Variants in BICC1 observed in about 807,000 individuals in gnomAD.
BICC1 encodes protein bicaudal C homolog 1.
In BICC1, 43 loss-of-function variants were observed where a neutral mutation model predicts 111.0. The observed-to-expected ratio is 0.39, with a 90% CI of 0.30 to 0.50. The LOEUF is 0.50. BICC1 is among the 20% of genes least tolerant of loss of function. BICC1 has a pLI of 0.88. For synonymous variants in BICC1, 467 were observed against 434.4 expected (o/e 1.07, Z -0.93); for missense variants, 1,091 against 1,203.2 (o/e 0.91, Z 1.38).
At chr10:58,551,664 C>G (rs370503395) in intron 1 of BICC1, among the ~76,000 whole-genome samples, 219 of 152,268 alleles carry the variant, frequency 1.4e-3, no homozygotes, top group South Asian at 2.9e-3. Context: ...CCTTCCCACC[C>G]AGCCCCTGGT....
At chr10:58,710,112 C>T (rs1203545965) in intron 3 of BICC1, among the ~76,000 whole-genome samples, 1 of 152,188 alleles carries the variant, frequency 6.6e-6, no homozygotes, top group Non-Finnish European at 1.5e-5. Context: ...TTCAAATTAT[C>T]AGTGAGTGAT....
intron 3 of BICC1, among the ~76,000 whole-genome samples, chr10:58,710,289 A>G (rs747808754): frequency 2.0e-5 from 3 of 152,118 alleles, no homozygotes; most frequent in Non-Finnish European, 4.4e-5. Flanking sequence ...ACTGTACTCA[A>G]ATGCCCTTTC....
chr10:58,553,811 T>C (rs1448187790), intron 1 of BICC1, among the ~76,000 whole-genome samples: 1 of 151,968 alleles, frequency 6.6e-6, no homozygotes, highest in Admixed American at 6.6e-5. Flanking sequence ...TTTGTCATTT[T>C]CAAGGGTAGC....
At chr10:58,729,131 T>C (rs1300505961) in intron 3 of BICC1, among the ~76,000 whole-genome samples, 1 of 152,194 alleles carries the variant, frequency 6.6e-6, no homozygotes, top group Non-Finnish European at 1.5e-5. Context: ...TTTGAAAGCT[T>C]TGAAGGCAGA....
intron 2 of BICC1, chr10:58,650,459 C>A (rs761398256): frequency 6.6e-6 from 1 of 152,154 alleles, no homozygotes; most frequent in Non-Finnish European, 1.5e-5. Flanking sequence ...TGTCCTATCC[C>A]CACCAAATGA....
chr10:58,599,114 C>T (rs748883831), intron 1 of BICC1, among the ~76,000 whole-genome samples: 2 of 152,048 alleles, frequency 1.3e-5, no homozygotes, highest in Non-Finnish European at 2.9e-5. Context: ...GATATAGAAC[C>T]AGAAATACCA....
chr10:58,821,777 A>G (rs532076672), intron 20 of BICC1, among the ~76,000 whole-genome samples: 3 of 152,272 alleles, frequency 2.0e-5, no homozygotes, highest in Admixed American at 6.5e-5. Flanking sequence ...ACTGGATTCA[A>G]TTAGGAGATC....
chr10:58,518,084 G>A (rs1842290625), intron 1 of BICC1, among the ~76,000 whole-genome samples: 1 of 152,162 alleles, frequency 6.6e-6, no homozygotes, highest in Non-Finnish European at 1.5e-5. Flanking sequence ...TTAGACATGA[G>A]TGTGGAGTTC....
At chr10:58,618,677 A>G (rs1426536703) in intron 1 of BICC1, among the ~76,000 whole-genome samples, 1 of 152,212 alleles carries the variant, frequency 6.6e-6, no homozygotes, top group African/African-American at 2.4e-5. Context: ...GGTGCAGTTC[A>G]TCCTATTGAT....
Position 58,685,061 on chromosome 10 carries a change from T to C in BICC1, c.238-17013T>C, listed in dbSNP as rs183149612. Reference sequence around the variant, plus strand: ...TTTAAATGTGTCCCAGAGACTCTGGTATGTTGTGTCTTTGTTCTCATTGGT... The same window carrying C: ...TTTAAATGTGTCCCAGAGACTCTGGCATGTTGTGTCTTTGTTCTCATTGGT... On this transcript the variant is annotated intron_variant, in intron 2 of 20. Coordinates refer to ENST00000373886, the MANE Select transcript of BICC1 (RefSeq NM_001080512.3). Among the ~76,000 whole-genome samples, 634 of 152,370 alleles carry C rather than the reference T, an allele frequency of 4.2e-3. 1 individual carries two copies. Among genetic ancestry groups the C allele is most frequent in the Non-Finnish European group, 7.2e-3 (492 of 68,036 alleles).
intron 1 of BICC1, among the ~76,000 whole-genome samples, chr10:58,514,882 A>G (rs1842200448): frequency 6.6e-6 from 1 of 152,212 alleles, no homozygotes; most frequent in African/African-American, 2.4e-5. Flanking sequence ...TCAGGCATAT[A>G]TTGTGAGATC....
intron 1 of BICC1, among the ~76,000 whole-genome samples, chr10:58,583,722 A>G (rs1298899543): frequency 6.6e-6 from 1 of 152,104 alleles, no homozygotes; most frequent in African/African-American, 2.4e-5. Flanking sequence ...TTGTGCTGTT[A>G]TAAACATGTG....
intron 2 of BICC1, among the ~76,000 whole-genome samples, chr10:58,633,436 G>A (rs1372515644): frequency 6.6e-6 from 1 of 152,166 alleles, no homozygotes; most frequent in Non-Finnish European, 1.5e-5. Context: ...ATTAGTGCCA[G>A]GTAAGGGACA....
At chr10:58,599,415 C>T (rs1286077703) in intron 1 of BICC1, among the ~76,000 whole-genome samples, 4 of 152,140 alleles carry the variant, frequency 2.6e-5, no homozygotes, top group Non-Finnish European at 5.9e-5. Flanking sequence ...AAACTAAACA[C>T]TGCATGTTCT....
At chr10:58,733,478 A>G (rs1320576711) in intron 3 of BICC1, among the ~76,000 whole-genome samples, 1 of 152,238 alleles carries the variant, frequency 6.6e-6, no homozygotes, top group African/African-American at 2.4e-5. Context: ...TAATAATCAC[A>G]GGTACAATGT....
intron 2 of BICC1, among the ~76,000 whole-genome samples, chr10:58,642,617 C>T (rs1838156120): frequency 6.8e-6 from 1 of 147,370 alleles, no homozygotes. Context: ...ACCCATCATT[C>T]TATTGCACCA....
intron 2 of BICC1, among the ~76,000 whole-genome samples, chr10:58,652,728 T>G (rs1838489243): frequency 6.6e-6 from 1 of 152,262 alleles, no homozygotes; most frequent in South Asian, 2.1e-4. Context: ...GTTTCATGAT[T>G]TTGGGGGAGG....
chr10:58,520,263 A>T (rs1842354826), intron 1 of BICC1, among the ~76,000 whole-genome samples: 3 of 152,192 alleles, frequency 2.0e-5, no homozygotes, highest in African/African-American at 7.2e-5. Context: ...AACTACCAGG[A>T]ATGAGGCGCA....
At chr10:58,713,576 G>T (rs1840644523) in intron 3 of BICC1, among the ~76,000 whole-genome samples, 1 of 152,104 alleles carries the variant, frequency 6.6e-6, no homozygotes, top group South Asian at 2.1e-4. Context: ...TATAAACCTT[G>T]GTTTCAAAAT....
Sources: gnomAD v4.1 joint callset for allele counts (sites outside exome capture counted in the v4.1 genomes callset) on GRCh38, gnomAD v4.1.1 for gene constraint, MANE v1.5 for transcripts, NCBI Gene and HGNC (gene_info 2026-07-23, HGNC 2026-07-21) for gene names.